The following RIPOR1 variants were observed in gnomAD, a reference collection of about 807,000 sequenced individuals.
RIPOR1 encodes the protein RHO family interacting cell polarization regulator 1.
Under a neutral mutation model 116.5 loss-of-function variants are expected in RIPOR1, and 58 were observed. That is an observed-to-expected ratio of 0.50 (90% confidence interval 0.40 to 0.62). The LOEUF (loss-of-function observed/expected upper bound fraction) is 0.62. Among genes scored for constraint, RIPOR1 ranks in the 20% least tolerant of loss-of-function variants. The pLI is 0.00. For missense variants in RIPOR1, 1,372 were observed against 1,586.2 expected, an observed-to-expected ratio of 0.86 and a Z score of 2.29; for synonymous variants, 605 against 650.0, an observed-to-expected ratio of 0.93 and a Z score of 1.05.
Position 67,542,615 on chromosome 16 carries a change from A to G in RIPOR1, c.1829A>G (p.His610Arg). 2 of 1,612,330 alleles carry G rather than the reference A, an allele frequency of 1.2e-6. No homozygotes were observed. The highest frequency in any genetic ancestry group is 8.5e-7 in the Non-Finnish European group (1 of 1,179,472). ...ACCCACACTATGCCAAGCCCTACCCATACCACAGCAAGCCCCACTCATACT... is the reference window on the plus strand; with the variant it reads ...ACCCACACTATGCCAAGCCCTACCCGTACCACAGCAAGCCCCACTCATACT... ...SPTHTMPSPTHTTASPTHTST... is the reference protein window; with the variant it reads ...SPTHTMPSPTRTTASPTHTST... The change falls in exon 13 of 22, where the codon CAT (histidine) becomes CGT (arginine). Residue 610 changes from histidine (H) to arginine (R), a missense_variant. Physicochemically the swap from His to Arg is conservative, Grantham distance 29. Coordinates refer to ENST00000042381, the MANE Select transcript of RIPOR1 (RefSeq NM_024519.4). This position sits in a 1 kb window ranked among gnomAD's most constrained non-coding sequence, Gnocchi z 4.6.
chr16:67,545,756 C>T lies in RIPOR1; in HGVS notation c.3283C>T (p.Leu1095=), dbSNP rs75099993. 0.029 allele frequency: 47,309 copies of T among 1,612,288 alleles called. 1,033 individuals are homozygous for T. Among genetic ancestry groups the T allele is most frequent in the South Asian group, 0.063 (5,702 of 90,748 alleles). Residue 1095 remains leucine, a synonymous_variant, in exon 19 of 22, where the codon CTG becomes TTG. Coordinates refer to ENST00000042381, the MANE Select transcript of RIPOR1 (RefSeq NM_024519.4). The surrounding 1 kb of genome is among the most constrained non-coding windows in gnomAD (Gnocchi z 4.8). ...APEGRLRRDG[L]RALSSLLVHG... ...CGAGGGGCGTCTGCGAAGGGACGGG[C>T]TGCGGGCCCTCAGCTCCCTGCTCGT...
chr16:67,539,432 C>T, intron 4 of RIPOR1: 8 of 543,416 alleles, frequency 1.5e-5, no homozygotes, highest in Admixed American at 3.2e-5. Flanking sequence ...GATGGGAGTT[C>T]CCCTGCAGAG....
upstream of RIPOR1, among the ~76,000 whole-genome samples, chr16:67,525,149 C>T (rs1026870310): frequency 3.9e-5 from 6 of 152,224 alleles, no homozygotes; most frequent in African/African-American, 9.6e-5. Context: ...CAAAGAGCCA[C>T]GCTAAGGGCC....
Position 67,543,529 on chromosome 16 carries a change from C to A in RIPOR1, c.2600+60C>A. On this transcript the variant is annotated intron_variant, in intron 14 of 21. Transcript: ENST00000042381. The surrounding 1 kb of genome is among the most constrained non-coding windows in gnomAD (Gnocchi z 4.7). ...GTGAGAGGGAAAAGGTGAGGCAGGA[C>A]CAGGGGAAGGTGGAACAGGTGAATT... The A allele has an allele frequency of 6.5e-7, 1 of 1,538,106 alleles. No homozygotes were observed. Among genetic ancestry groups the A allele is most frequent in the Non-Finnish European group, 8.7e-7 (1 of 1,145,464 alleles).
Position 67,530,389 on chromosome 16 carries a change from T to C in RIPOR1, c.-24+1475T>C, listed in dbSNP as rs2050628302. Among the ~76,000 whole-genome samples the C allele has an allele frequency of 6.6e-6, 1 of 152,112 alleles. No homozygotes were observed. The highest frequency in any genetic ancestry group is 1.5e-5 in the Non-Finnish European group (1 of 67,994). On this transcript the variant is annotated intron_variant, in intron 1 of 21. Transcript: ENST00000042381. The surrounding 1 kb of genome is among the most constrained non-coding windows in gnomAD (Gnocchi z 4.5). ...CCGGGGCTGTGCCGCTCCCCCTCCC[T>C]CCTATACGCTTGGGCAGCTGCGAGA...
chr16:67,546,287 G>A (rs778267927), intron 21 of RIPOR1, 56 bp downstream of exon 21: 12 of 1,608,590 alleles, frequency 7.5e-6, no homozygotes, highest in Non-Finnish European at 1.0e-5. Flanking sequence ...TGGCTGATGG[G>A]AGTAGGAGAG....
rs1183383317 is a variant in RIPOR1 at position 67,531,968 on chromosome 16, T to G, written c.-24+3054T>G. Among the ~76,000 whole-genome samples, 1 of 152,130 alleles carries G rather than the reference T, an allele frequency of 6.6e-6. No homozygotes were observed. On this transcript the variant is annotated intron_variant, in intron 1 of 21. Transcript: ENST00000042381. This position sits in a 1 kb window ranked among gnomAD's most constrained non-coding sequence, Gnocchi z 4.2. ...GTGTAGTGGTGAGATCTTGGCTCAC[T>G]GCAAGCTCCACCTCCCGGGCTCATG...
chr16:67,519,167 C>T (rs2142384439), intron 1 of RIPOR1, among the ~76,000 whole-genome samples: 1 of 152,084 alleles, frequency 6.6e-6, no homozygotes, highest in Non-Finnish European at 1.5e-5. Flanking sequence ...GTAGTGCCAG[C>T]TACTTGGGAG....
Position 67,531,528 on chromosome 16 carries a change from T to C in RIPOR1, c.-24+2614T>C, listed in dbSNP as rs950757501. The C allele has an allele frequency of 1.9e-5, 8 of 423,216 alleles. No individual in the cohort carries two copies. Among genetic ancestry groups the C allele is most frequent in the African/African-American group, 1.7e-4 (8 of 48,214 alleles). 26.2% of individuals were successfully genotyped at this position (423,216 alleles called of 1,614,324 possible). On this transcript the variant is annotated intron_variant, in intron 1 of 21. Transcript: ENST00000042381. The surrounding 1 kb of genome is among the most constrained non-coding windows in gnomAD (Gnocchi z 4.2). ...AGGGCCTGCTTCCTGGAGGAAGAAGTCATAGGGTAGACTTGAGGAAGGAGA... is the reference window on the plus strand; with the variant it reads ...AGGGCCTGCTTCCTGGAGGAAGAAGCCATAGGGTAGACTTGAGGAAGGAGA...
rs376949138 is a variant in RIPOR1 at position 67,546,129 on chromosome 16, C to T, written c.3472-12C>T. ...TCCCCTGAGCCCACCTCAATGCTCC[C>T]TCCCCTGACAGGCTCCCGAGGGCAT... On this transcript the variant is annotated splice_polypyrimidine_tract_variant and intron_variant, in intron 20 of 21. Transcript: ENST00000042381. 2.2e-4 allele frequency: 357 copies of T among 1,613,432 alleles called. No homozygotes were observed. The highest frequency in any genetic ancestry group is 2.9e-4 in the Non-Finnish European group (344 of 1,179,740).
chr16:67,525,555 C>T (rs77971272), upstream of RIPOR1, among the ~76,000 whole-genome samples: 15,583 of 151,910 alleles, frequency 0.1, 1,798 homozygotes, highest in African/African-American at 0.28. Context: ...TCTGGGGTTT[C>T]GGACTTGAAC....
chr16:67,543,358 G>C lies in RIPOR1; in HGVS notation c.2489G>C (p.Gly830Ala), dbSNP rs914962327. The stretch of plus-strand genomic sequence containing the variant: ...CCTTCACAACCTCAGCAGAGACAAG[G>C]TCTGACTCGCAGCCGGGCCTCCAGT... ...RLESLLMQRQ[G>A]LTRSRASSLS... Residue 830 changes from glycine to alanine, a missense_variant, in exon 14 of 22, where the codon GGT becomes GCT. Physicochemically the swap from Gly to Ala is moderately conservative, Grantham distance 60 (BLOSUM62 0). Coordinates refer to ENST00000042381, the MANE Select transcript of RIPOR1 (RefSeq NM_024519.4). This position sits in a 1 kb window ranked among gnomAD's most constrained non-coding sequence, Gnocchi z 4.7. 1.9e-6 allele frequency: 3 copies of C among 1,606,828 alleles called. No homozygotes were observed. In the African/African-American group the frequency reaches 4.0e-5, roughly 21 times the overall value.
At chr16:67,526,992 G>C (rs972450937), upstream of RIPOR1, among the ~76,000 whole-genome samples, 10 of 152,240 alleles carry the variant, frequency 6.6e-5, no homozygotes, top group African/African-American at 2.4e-4. Context: ...ACAGGAGAGG[G>C]CTCTGGGCAC....
rs2051074613 is a variant in RIPOR1 at position 67,543,685 on chromosome 16, T to A, written c.2600+216T>A. The A allele has an allele frequency of 1.6e-6, 1 of 635,714 alleles. No individual in the cohort carries two copies. The highest frequency in any genetic ancestry group is 2.7e-6 in the Non-Finnish European group (1 of 367,812). 39.4% of individuals were successfully genotyped at this position (635,714 alleles called of 1,614,324 possible). A position where few individuals can be genotyped will look rare whatever the true frequency, so the allele number is the denominator to read the frequency against. ...GCCCATGTCTCCAACCCTACGTGTG[T>A]CCCCAGTGCTTCTGACCGCCCTCTT... On this transcript the variant is annotated intron_variant, in intron 14 of 21. Coordinates refer to ENST00000042381, the MANE Select transcript of RIPOR1 (RefSeq NM_024519.4). This position sits in a 1 kb window ranked among gnomAD's most constrained non-coding sequence, Gnocchi z 4.7.
At position 67,539,763 on chromosome 16, in the gene RIPOR1, T is replaced by G; in HGVS notation, c.360+12T>G. Reference sequence around the variant, plus strand: ...ATGATCTGGACAAGGTGAGTATGCATGGAATGGTACTGGAAGGGGTTGGCT... The same window carrying G: ...ATGATCTGGACAAGGTGAGTATGCAGGGAATGGTACTGGAAGGGGTTGGCT... On this transcript the variant is annotated intron_variant, in intron 5 of 21. Coordinates refer to ENST00000042381, the MANE Select transcript of RIPOR1 (RefSeq NM_024519.4). 1 of 1,614,124 alleles carries G rather than the reference T, an allele frequency of 6.2e-7. No individual in the cohort carries two copies. Among genetic ancestry groups the G allele is most frequent in the East Asian group, 2.2e-5 (1 of 44,878 alleles).
chr16:67,524,920 T>C (rs1597612431), upstream of RIPOR1, among the ~76,000 whole-genome samples: 1 of 152,204 alleles, frequency 6.6e-6, no homozygotes, highest in African/African-American at 2.4e-5. Flanking sequence ...AGCACAGATA[T>C]GACCACAAAA....
Position 67,542,287 on chromosome 16 carries a change from G to T in RIPOR1, c.1501G>T (p.Gly501Cys), listed in dbSNP as rs765465821. The T allele has an allele frequency of 6.2e-6, 10 of 1,613,716 alleles. No homozygotes were observed. The highest frequency in any genetic ancestry group is 1.7e-5 in the Admixed American group (1 of 59,966). ...PSPVPPALDPGHSATSSTLGT... is the reference protein window; with the variant it reads ...PSPVPPALDPCHSATSSTLGT... Reference sequence around the variant, plus strand: ...TCCTGTTCCTCCTGCCCTGGACCCTGGCCACTCTGCCACAAGCTCTACCCT... The same window carrying T: ...TCCTGTTCCTCCTGCCCTGGACCCTTGCCACTCTGCCACAAGCTCTACCCT... The change falls in exon 13 of 22, where the codon GGC becomes TGC. Residue 501 changes from glycine (G) to cysteine (C), a missense_variant. Transcript: ENST00000042381. This position sits in a 1 kb window ranked among gnomAD's most constrained non-coding sequence, Gnocchi z 4.6.
At chr16:67,520,096 G>A (rs2050481918) in intron 1 of RIPOR1, among the ~76,000 whole-genome samples, 1 of 147,970 alleles carries the variant, frequency 6.8e-6, no homozygotes, top group African/African-American at 2.5e-5. Flanking sequence ...AGACTCTGAG[G>A]GCCGAGTGCA....
chr16:67,542,750 C>A lies in RIPOR1; in HGVS notation c.1964C>A (p.Thr655Lys), dbSNP rs1163291580. Reference protein sequence around the residue: ...PSGMGLVQTATSPTHPTTSPT... With the variant: ...PSGMGLVQTAKSPTHPTTSPT... Reference sequence around the variant, plus strand: ...GGTATGGGCCTAGTCCAGACTGCCACAAGTCCCACCCATCCTACCACAAGC... The same window carrying A: ...GGTATGGGCCTAGTCCAGACTGCCAAAAGTCCCACCCATCCTACCACAAGC... The change falls in exon 13 of 22, where the codon ACA (threonine) becomes AAA (lysine). Residue 655 changes from threonine to lysine, a missense_variant. Physicochemically the swap from Thr to Lys is moderately conservative, Grantham distance 78. Coordinates refer to ENST00000042381, the MANE Select transcript of RIPOR1 (RefSeq NM_024519.4). This position sits in a 1 kb window ranked among gnomAD's most constrained non-coding sequence, Gnocchi z 4.6. 2 of 1,613,600 alleles carry A rather than the reference C, an allele frequency of 1.2e-6. No homozygotes were observed. The highest frequency in any genetic ancestry group is 3.3e-5 in the Admixed American group (2 of 59,948).
Sources: gnomAD v4.1 joint callset for allele counts (sites outside exome capture counted in the v4.1 genomes callset) on GRCh38, gnomAD v4.1.1 for gene constraint, Gnocchi (gnomAD v3.1) non-coding constraint, MANE v1.5 for transcripts, NCBI Gene and HGNC (gene_info 2026-07-23, HGNC 2026-07-21) for gene names.